Variants in PAK1 observed in about 807,000 individuals in gnomAD.
The protein encoded by PAK1 is serine/threonine-protein kinase PAK 1.
A neutral mutation model predicts 67.4 loss-of-function variants in PAK1; 29 were observed. The ratio of observed to expected loss-of-function variants is 0.43; its 90% CI spans 0.32 to 0.59. PAK1 has a LOEUF of 0.59. PAK1 is among the 20% of genes least tolerant of loss of function. The probability of loss-of-function intolerance (pLI) is 0.07; values close to 1 mark genes in which losing one functional copy is unlikely to be tolerated. For synonymous variants in PAK1, 223 were observed against 237.4 expected (o/e 0.94, Z 0.56); for missense variants, 337 against 670.7 (o/e 0.50, Z 5.50).
At position 77,379,290 on chromosome 11, in the gene PAK1, A is replaced by G. The variant is rs748099399; in HGVS notation, c.390T>C (p.Phe130=). 1.2e-6 allele frequency: 2 copies of G among 1,613,748 alleles called. No homozygotes were observed. Among genetic ancestry groups the G allele is most frequent in the Non-Finnish European group, 1.7e-6 (2 of 1,179,892 alleles). Residue 130 remains phenylalanine (F), a synonymous_variant, in exon 4 of 15, where the codon TTT becomes TTC. Coordinates refer to ENST00000356341, the MANE Select transcript of PAK1 (RefSeq NM_002576.5). ...NPQAVLDVLE[F]YNSKKTSNSQ... ...TGTTGGATGTCTTCTTCGAGTTGTA[A>G]AACTCCAACACATCCAGAACAGCCT... is the stretch of plus-strand genomic sequence containing the variant.
At chr11:77,448,957 A>G (rs1223491605) in intron 1 of PAK1, among the ~76,000 whole-genome samples, 1 of 152,378 alleles carries the variant, frequency 6.6e-6, no homozygotes, top group Admixed American at 6.5e-5. Flanking sequence ...CAGATTTAAG[A>G]AGGTGGATAG....
intron 1 of PAK1, among the ~76,000 whole-genome samples, chr11:77,432,074 A>T (rs1379165820): frequency 6.6e-6 from 1 of 152,230 alleles, no homozygotes; most frequent in Non-Finnish European, 1.5e-5. Flanking sequence ...AAGCTTAAAC[A>T]GTTGGTGCTC....
chr11:77,506,367 C>G, the PAK1 span, among the ~76,000 whole-genome samples: 1 of 152,148 alleles, frequency 6.6e-6, no homozygotes, highest in African/African-American at 2.4e-5. Flanking sequence ...AAAAATTGCC[C>G]AAGGTCATGC....
At chr11:77,372,279 T>A (rs1948541750) in intron 5 of PAK1, among the ~76,000 whole-genome samples, 1 of 152,310 alleles carries the variant, frequency 6.6e-6, no homozygotes, top group East Asian at 1.9e-4. Context: ...CATCTTTTAA[T>A]CACATCTCTT....
At chr11:77,431,613 G>A (rs969033240) in intron 1 of PAK1, among the ~76,000 whole-genome samples, 3 of 152,104 alleles carry the variant, frequency 2.0e-5, no homozygotes, top group Admixed American at 6.5e-5. Flanking sequence ...TAAGGCCAAC[G>A]AAGAAAGAAG....
Position 77,343,736 on chromosome 11 carries a change from T to A in PAK1, c.998+83A>T, listed in dbSNP as rs186786944. ...CATAAATGGAGGCAGTTCTGAGGGC[T>A]GGCACTGCCCTCTTCTCTAACAGCT... is the stretch of plus-strand genomic sequence containing the variant. On this transcript the variant is annotated intron_variant, in intron 10 of 14. Coordinates refer to ENST00000356341, the MANE Select transcript of PAK1 (RefSeq NM_002576.5). The A allele has an allele frequency of 6.1e-6, 5 of 815,366 alleles. No individual in the cohort carries two copies. In the East Asian group the frequency reaches 1.2e-4, roughly 20 times the overall value. The allele number at this position is 815,366 out of a possible 1,614,324, so 50.5% of individuals were successfully genotyped here.
intron 2 of PAK1, among the ~76,000 whole-genome samples, chr11:77,381,886 G>A (rs1230976413): frequency 6.6e-6 from 1 of 152,160 alleles, no homozygotes; most frequent in African/African-American, 2.4e-5. Flanking sequence ...TTCCCTCTCA[G>A]AAGCAGCTGC....
At chr11:77,461,579 G>A (rs181307213) in intron 1 of PAK1, among the ~76,000 whole-genome samples, 31 of 152,244 alleles carry the variant, frequency 2.0e-4, no homozygotes, top group Admixed American at 1.4e-3. Flanking sequence ...AGTAACATGC[G>A]GGAATGTGTA....
In PAK1 at chr11:77,336,075, G is replaced by A. The variant is rs761364741; in HGVS notation, c.1413+11C>T. On this transcript the variant is annotated intron_variant, in intron 13 of 14. Transcript: ENST00000356341. ...GCCCAAATAACTTGAAATAGAACTG[G>A]TAACACTCACTCTCAGAGGGTTTTC... The A allele has an allele frequency of 6.5e-7, 1 of 1,541,778 alleles. No individual in the cohort carries two copies. Among genetic ancestry groups the A allele is most frequent in the East Asian group, 2.3e-5 (1 of 44,030 alleles).
At chr11:77,483,107 G>A in the PAK1 span, among the ~76,000 whole-genome samples, 3 of 151,298 alleles carry the variant, frequency 2.0e-5, no homozygotes, top group South Asian at 6.3e-4. Context: ...TGAGGCAGGA[G>A]AATCGCTTGA....
In PAK1 at chr11:77,379,998, C is replaced by G. The variant is rs772458683; in HGVS notation, c.191-4G>C. 3 of 1,603,454 alleles carry G rather than the reference C, an allele frequency of 1.9e-6. No homozygotes were observed. The South Asian group carries it at 3.3e-5, about 18-fold the overall frequency. ...TCTTTCTCTTTCTTTTTATTTGCTG[C>G]AAGAGAAACAGGCAAAAGGAAATAA... On this transcript the variant is annotated splice_polypyrimidine_tract_variant and splice_region_variant and intron_variant, in intron 2 of 14. Coordinates refer to ENST00000356341, the MANE Select transcript of PAK1 (RefSeq NM_002576.5).
At chr11:77,372,009 G>A (rs534118702) in intron 5 of PAK1, among the ~76,000 whole-genome samples, 53 of 152,134 alleles carry the variant, frequency 3.5e-4, no homozygotes, top group Admixed American at 2.1e-3. Flanking sequence ...GTTGTAATGT[G>A]GTTCTAATTA....
intron 1 of PAK1, among the ~76,000 whole-genome samples, chr11:77,458,283 C>T (rs1245865731): frequency 1.3e-5 from 2 of 152,140 alleles, no homozygotes; most frequent in South Asian, 2.1e-4. Context: ...GAACAAAGAA[C>T]ATCCGTCACT....
At chr11:77,496,137 G>A in the PAK1 span, among the ~76,000 whole-genome samples, 1 of 151,180 alleles carries the variant, frequency 6.6e-6, no homozygotes, top group Non-Finnish European at 1.5e-5. Flanking sequence ...TTCTGCCTCA[G>A]CCTCCCGAGT....
intron 9 of PAK1, among the ~76,000 whole-genome samples, chr11:77,345,573 C>T (rs1450065674): frequency 9.2e-5 from 14 of 152,146 alleles, no homozygotes; most frequent in Admixed American, 9.2e-4. Flanking sequence ...CAAGAATGGA[C>T]AGTCTCTTGC....
chr11:77,427,666 A>T (rs1955622017), intron 1 of PAK1, among the ~76,000 whole-genome samples: 1 of 152,202 alleles, frequency 6.6e-6, no homozygotes, highest in African/African-American at 2.4e-5. Context: ...CCCTGTGTTG[A>T]GTGCATTCAA....
At chr11:77,502,970 T>A in the PAK1 span, among the ~76,000 whole-genome samples, 1 of 152,140 alleles carries the variant, frequency 6.6e-6, no homozygotes, top group East Asian at 1.9e-4. Context: ...TGGAAAAAAA[T>A]TAACTTATGG....
chr11:77,513,105 A>C, the PAK1 span, among the ~76,000 whole-genome samples: 3 of 152,144 alleles, frequency 2.0e-5, no homozygotes, highest in East Asian at 3.9e-4. Context: ...AAAAGAAAAG[A>C]AAATGAGATT....
At chr11:77,369,602 C>G (rs995889669) in intron 5 of PAK1, among the ~76,000 whole-genome samples, 2 of 151,806 alleles carry the variant, frequency 1.3e-5, no homozygotes, top group African/African-American at 4.8e-5. Context: ...CATATACCCC[C>G]ACACCTAGCT....
Sources: allele counts gnomAD v4.1 joint callset (sites outside exome capture counted in the v4.1 genomes callset), GRCh38; gene constraint gnomAD v4.1.1; transcripts MANE v1.5; gene names NCBI Gene and HGNC (gene_info 2026-07-23, HGNC 2026-07-21).